Variants in ZNF888 observed in about 807,000 individuals in gnomAD.
ZNF888 encodes CTD-2331H12.6.
ZNF888 carries 5 observed loss-of-function variants against 7.2 expected under a neutral mutation model. The observed-to-expected ratio is 0.70, with a 90% CI of 0.36 to 1.46. The LOEUF (loss-of-function observed/expected upper bound fraction) is 1.46, where lower values mean the gene tolerates loss of function less well. ZNF888 is among the 40% of genes most tolerant of loss of function. The pLI is 0.03. For missense variants in ZNF888, 716 were observed against 858.0 expected (o/e 0.83, Z 2.07); for synonymous variants, 240 against 284.3 (o/e 0.84, Z 1.57).
intron 2 of ZNF888, 165 bp from the exon 3 acceptor site, chr19:52,918,096 C>T: frequency 7.1e-7 from 1 of 1,415,474 alleles, no homozygotes. Flanking sequence ...TATAGGAAAA[C>T]TCCCACTCCC....
Position 52,917,904 on chromosome 19 carries a change from C to A in ZNF888, c.-31G>T, listed in dbSNP as rs1299550648. ...ACTCCTTTGCTTTCCTCTTCCTCTT[C>A]TGAGTTTCTTCTTCACATACCCAGA... On this transcript the variant is annotated 5_prime_UTR_variant, in exon 3 of 5. Coordinates refer to ENST00000638862, the MANE Select transcript of ZNF888 (RefSeq NM_001393938.1). 2 of 1,611,082 alleles carry A rather than the reference C, an allele frequency of 1.2e-6. No individual in the cohort carries two copies. The highest frequency in any genetic ancestry group is 1.7e-6 in the Non-Finnish European group (2 of 1,179,994).
At chr19:52,910,324 T>C (rs2064663640) in intron 4 of ZNF888, among the ~76,000 whole-genome samples, 1 of 151,770 alleles carries the variant, frequency 6.6e-6, no homozygotes, top group African/African-American at 2.4e-5. Flanking sequence ...ACAAAAAAAA[T>C]TAGCTATGCA....
At chr19:52,921,744 A>G in intron 1 of ZNF888, 1 of 614,182 alleles carries the variant, frequency 1.6e-6, no homozygotes, top group Non-Finnish European at 2.0e-6. Context: ...CCTGACCTAC[A>G]TGGAGGAACC....
At position 52,905,530 on chromosome 19, in the gene ZNF888, G is replaced by C. The variant is rs28538829; in HGVS notation, c.*635C>G. 66,926 of 193,810 alleles carry C rather than the reference G, an allele frequency of 0.35. 15,505 individuals carry two copies. Among genetic ancestry groups the C allele is most frequent in the African/African-American group, 0.69 (28,668 of 41,664 alleles). The allele number at this position is 193,810 out of a possible 1,614,324, so 12.0% of individuals were successfully genotyped here. A position where few individuals can be genotyped will look rare whatever the true frequency, so the allele number is the denominator to read the frequency against. On this transcript the variant is annotated 3_prime_UTR_variant, in exon 5 of 5. Coordinates refer to ENST00000638862, the MANE Select transcript of ZNF888 (RefSeq NM_001393938.1). ...TGGCTCACGCCTGTTGGCCACACTA[G>C]TCTCAAACTCCTGACCTCAAGAGAT...
intron 4 of ZNF888, among the ~76,000 whole-genome samples, chr19:52,910,149 CAAAAAAAAA>C (rs71335690): frequency 3.5e-4 from 29 of 83,942 alleles, no homozygotes; most frequent in African/African-American, 9.2e-4. Flanking sequence ...GACTTCGTCT[CAAAAAAAAA>C]AAAAAAAAAA....
At position 52,905,198 on chromosome 19, in the gene ZNF888, AAAG is replaced by A. The variant is rs751613018; in HGVS notation, c.*964_*966del. 1.1e-4 allele frequency: 17 copies of A among 152,172 alleles called. No homozygotes were observed. Among genetic ancestry groups the A allele is most frequent in the Non-Finnish European group, 1.6e-4 (11 of 68,084 alleles). 9.4% of individuals were successfully genotyped at this position (152,172 alleles called of 1,614,324 possible). On this transcript the variant is annotated 3_prime_UTR_variant, in exon 5 of 5. Transcript: ENST00000638862. ...GCCTATCAGTTGACATTCCACCACA[AAAG>A]AAGTGAAATTGGCTGGTCCCTGCCT...
chr19:52,919,864 G>A (rs1190468348), intron 1 of ZNF888, among the ~76,000 whole-genome samples: 1 of 59,282 alleles, frequency 1.7e-5, no homozygotes, highest in Non-Finnish European at 4.0e-5. Flanking sequence ...TCTGAGAAGT[G>A]AGGAAACCCT....
rs971806444 is a variant in ZNF888 at position 52,908,289 on chromosome 19, T to C, written c.143-110A>G. 1.0e-5 allele frequency: 11 copies of C among 1,094,080 alleles called. No individual in the cohort carries two copies. The African/African-American group carries it at 1.6e-4, about 16-fold the overall frequency. 67.8% of individuals were successfully genotyped at this position (1,094,080 alleles called of 1,614,324 possible). A position where few individuals can be genotyped will look rare whatever the true frequency, so the allele number is the denominator to read the frequency against. Reference sequence around the variant, plus strand: ...ATACTTATTTTAAACATCTCAAACATGAGCTTCAAAGTTCAGGAACACAAA... The same window carrying C: ...ATACTTATTTTAAACATCTCAAACACGAGCTTCAAAGTTCAGGAACACAAA... On this transcript the variant is annotated intron_variant, in intron 4 of 4. Coordinates refer to ENST00000638862, the MANE Select transcript of ZNF888 (RefSeq NM_001393938.1).
chr19:52,922,854 A>G (rs546317594), intron 1 of ZNF888, among the ~76,000 whole-genome samples: 26 of 152,238 alleles, frequency 1.7e-4, no homozygotes, highest in South Asian at 6.2e-4. Flanking sequence ...GGGCTCAGGG[A>G]AAGCGGTGAC....
intron 4 of ZNF888, among the ~76,000 whole-genome samples, chr19:52,911,680 C>G (rs755255804): frequency 2.4e-4 from 37 of 151,986 alleles, no homozygotes; most frequent in Non-Finnish European, 4.9e-4. Context: ...ATGACAGAAA[C>G]AGGAAAAAGA....
chr19:52,922,506 CTG>C (rs1252224650), intron 1 of ZNF888, among the ~76,000 whole-genome samples: 1 of 152,162 alleles, frequency 6.6e-6, no homozygotes, highest in East Asian at 1.9e-4. Context: ...CTTCATCTCT[CTG>C]TACATCCAGC....
At chr19:52,909,751 G>GA (rs903846434) in intron 4 of ZNF888, among the ~76,000 whole-genome samples, 8 of 151,906 alleles carry the variant, frequency 5.3e-5, no homozygotes, top group African/African-American at 1.9e-4. Context: ...TCCCTCTTAA[G>GA]AAAAAAACCA....
chr19:52,913,839 A>G, intron 4 of ZNF888: 1 of 745,390 alleles, frequency 1.3e-6, no homozygotes, highest in Non-Finnish European at 1.6e-6. Context: ...ATTTAAAATA[A>G]TAACGGTTGG....
chr19:52,914,825 C>A (rs2064725367), intron 4 of ZNF888, among the ~76,000 whole-genome samples: 1 of 152,078 alleles, frequency 6.6e-6, no homozygotes, highest in African/African-American at 2.4e-5. Flanking sequence ...TGCCACCATC[C>A]CTGGCTAATT....
intron 1 of ZNF888, among the ~76,000 whole-genome samples, chr19:52,920,103 C>CGGG (rs2064807285): frequency 2.0e-5 from 1 of 49,852 alleles, no homozygotes. Flanking sequence ...CCGCCCTATC[C>CGGG]AGGAGGTGAG....
intron 4 of ZNF888, among the ~76,000 whole-genome samples, chr19:52,912,393 A>T (rs188872056): frequency 6.7e-6 from 1 of 150,090 alleles, no homozygotes. Flanking sequence ...GATTACAGGC[A>T]TGAGCCACCG....
chr19:52,919,960 C>T lies in ZNF888; in HGVS notation c.-177-1023G>A, dbSNP rs1188478244. ...CTGGGAAGTGAGGAGCCCCTCTGCC[C>T]GGCCAGCCGCCCCGTCCGGGAGGTG... On this transcript the variant is annotated intron_variant, in intron 1 of 4. Coordinates refer to ENST00000638862, the MANE Select transcript of ZNF888 (RefSeq NM_001393938.1). 2.5e-4 allele frequency among the ~76,000 whole-genome samples: 14 copies of T among 55,882 alleles called. 3 individuals carry two copies. Among genetic ancestry groups the T allele is most frequent in the African/African-American group, 4.3e-4 (6 of 13,868 alleles). The allele number at this position is 55,882 out of a possible 152,430, so 36.7% of individuals were successfully genotyped here.
At position 52,906,062 on chromosome 19, in the gene ZNF888, A is replaced by T. The variant is rs115110669; in HGVS notation, c.*103T>A. The T allele has an allele frequency of 1.9e-3, 3,027 of 1,552,432 alleles. 57 individuals are homozygous for T. The African/African-American group carries it at 0.035, about 18-fold the overall frequency. ...ACAGCGTATGAACGATGTCTGAAAA[A>T]TTTGCCACATTTACTACACTTGTAA... On this transcript the variant is annotated 3_prime_UTR_variant, in exon 5 of 5. Transcript: ENST00000638862.
At chr19:52,911,549 A>T (rs955911227) in intron 4 of ZNF888, among the ~76,000 whole-genome samples, 22 of 152,014 alleles carry the variant, frequency 1.4e-4, no homozygotes, top group African/African-American at 4.8e-4. Context: ...CATGTCAGCC[A>T]GGATGGTCTC....
Sources: allele counts gnomAD v4.1 joint callset (sites outside exome capture counted in the v4.1 genomes callset), GRCh38; gene constraint gnomAD v4.1.1; transcripts MANE v1.5; gene names NCBI Gene and HGNC (gene_info 2026-07-23, HGNC 2026-07-21).